CENPI: variants seen among roughly 807,000 people sequenced by gnomAD.
The protein encoded by CENPI is centromere protein I, also known as FSH primary response 1.
CENPI carries 4 observed loss-of-function variants against 60.4 expected under a neutral mutation model. The observed-to-expected ratio is 0.07, with a 90% confidence interval of 0.03 to 0.15. CENPI has a LOEUF of 0.15. CENPI is among the 10% of genes least tolerant of loss of function. CENPI has a pLI of 1.00. For missense variants in CENPI, 444 were observed against 534.5 expected (o/e 0.83, Z 1.67); for synonymous variants, 157 against 189.4 (o/e 0.83, Z 1.40).
intron 6 of CENPI, among the ~76,000 whole-genome samples, chrX:101,112,370 A>G (rs144007679): frequency 3.5e-4 from 39 of 112,087 alleles, no homozygotes; most frequent in African/African-American, 1.2e-3. Context: ...ATGAACAAGT[A>G]CGATGTTCTA....
intron 4 of CENPI, 103 bp from the exon 5 acceptor site, chrX:101,109,370 C>T (rs1289310058): frequency 5.5e-5 from 35 of 637,442 alleles, no homozygotes; most frequent in African/African-American, 8.8e-5. Flanking sequence ...CATGAGCTGC[C>T]GCGCCCAGCC....
intron 6 of CENPI, among the ~76,000 whole-genome samples, chrX:101,112,776 A>G (rs1302616063): frequency 9.0e-6 from 1 of 110,572 alleles, no homozygotes; most frequent in Non-Finnish European, 1.9e-5. Context: ...TCGGGTTCCC[A>G]ACGTGCTGGG....
At chrX:101,149,471 A>G (rs972062872) in intron 20 of CENPI, among the ~76,000 whole-genome samples, 6 of 108,849 alleles carry the variant, frequency 5.5e-5, no homozygotes, top group Non-Finnish European at 1.1e-4. Flanking sequence ...GTGATTCTAC[A>G]CTGGCTGAGC....
At chrX:101,107,771 T>A (rs1602765100) in intron 4 of CENPI, among the ~76,000 whole-genome samples, 1 of 105,519 alleles carries the variant, frequency 9.5e-6, no homozygotes, top group African/African-American at 3.5e-5. Flanking sequence ...CGGGTTCCAG[T>A]GATTCTCCTG....
chrX:101,136,058 C>T (rs976215904), intron 15 of CENPI, among the ~76,000 whole-genome samples: 4 of 112,340 alleles, frequency 3.6e-5, no homozygotes, highest in Admixed American at 9.5e-5. Context: ...TGATTCCCTT[C>T]TTAAAGTAGG....
chrX:101,132,377 T>A lies in CENPI; in HGVS notation c.1406-15T>A. On this transcript the variant is annotated splice_polypyrimidine_tract_variant and intron_variant, in intron 14 of 21. Coordinates refer to ENST00000682095, the MANE Select transcript of CENPI (RefSeq NM_001386188.2). ...GATTGAAAGGATTTTGAATAATCTT[T>A]TTTTTGATTCCTAGAGGTGAAACCA... The A allele has an allele frequency of 1.7e-6, 2 of 1,206,332 alleles. No individual in the cohort carries two copies. Among genetic ancestry groups the A allele is most frequent in the Non-Finnish European group, 2.2e-6 (2 of 891,311 alleles).
downstream of CENPI, among the ~76,000 whole-genome samples, chrX:101,170,947 T>C (rs2090155602): frequency 1.8e-5 from 2 of 112,012 alleles, no homozygotes; most frequent in East Asian, 2.8e-4. Context: ...GCAGTCTCTA[T>C]TGAAATCCCA....
chrX:101,168,462 A>G (rs1384359737), downstream of CENPI, among the ~76,000 whole-genome samples: 3 of 111,972 alleles, frequency 2.7e-5, no homozygotes, highest in African/African-American at 9.7e-5. Flanking sequence ...GCTACTAGGG[A>G]GACTGAGGCA....
chrX:101,104,854 A>G (rs2089464938), intron 4 of CENPI, among the ~76,000 whole-genome samples: 1 of 76,161 alleles, frequency 1.3e-5, no homozygotes, highest in African/African-American at 4.4e-5. Context: ...GTCTCTGGGA[A>G]AAAAAAAAAA....
chrX:101,112,322 G>C (rs1342581421), intron 6 of CENPI, among the ~76,000 whole-genome samples: 1 of 111,887 alleles, frequency 8.9e-6, no homozygotes, highest in Non-Finnish European at 1.9e-5. Flanking sequence ...GTCAGCATTT[G>C]GAAGCTCAGT....
downstream of CENPI, among the ~76,000 whole-genome samples, chrX:101,167,895 C>T (rs1428654636): frequency 4.5e-5 from 5 of 111,947 alleles, no homozygotes; most frequent in Non-Finnish European, 9.4e-5. Context: ...CCCATCTCTT[C>T]CAAATACTGC....
chrX:101,158,347 C>T lies in CENPI; in HGVS notation c.2095-3181C>T, dbSNP rs192559964. Among the ~76,000 whole-genome samples, 404 of 102,546 alleles carry T rather than the reference C, an allele frequency of 3.9e-3. 1 individual carries two copies. The highest frequency in any genetic ancestry group is 6.9e-3 in the Non-Finnish European group (349 of 50,663). The allele number at this position is 102,546 out of a possible 115,157, so 89.0% of individuals were successfully genotyped here. ...GGCTGGAGTGCAATGGCGCAATCTC[C>T]GCTCACCACAACCTCCGCCTCCTGG... On this transcript the variant is annotated intron_variant, in intron 20 of 21. Coordinates refer to ENST00000682095, the MANE Select transcript of CENPI (RefSeq NM_001386188.2).
At position 101,147,015 on chromosome X, in the gene CENPI, C is replaced by T. The variant is rs748765681; in HGVS notation, c.1826+738C>T. Among the ~76,000 whole-genome samples, 28 of 111,968 alleles carry T rather than the reference C, an allele frequency of 2.5e-4. 1 individual carries two copies. The highest frequency in any genetic ancestry group is 7.8e-4 in the African/African-American group (24 of 30,883). Reference sequence around the variant, plus strand: ...CCTCCCAAAGTGCTGGGATTACAGGCGTGAGCCACCATGCTCAGCTTAGTG... The same window carrying T: ...CCTCCCAAAGTGCTGGGATTACAGGTGTGAGCCACCATGCTCAGCTTAGTG... On this transcript the variant is annotated intron_variant, in intron 18 of 21. Coordinates refer to ENST00000682095, the MANE Select transcript of CENPI (RefSeq NM_001386188.2).
rs763289066 is a variant in CENPI, at chrX:101,109,190, C to T, written c.365-283C>T. Among the ~76,000 whole-genome samples the T allele has an allele frequency of 6.8e-5, 7 of 103,395 alleles. No individual in the cohort carries two copies. The East Asian group carries it at 1.5e-3, about 23-fold the overall frequency. 89.8% of individuals were successfully genotyped at this position (103,395 alleles called of 115,157 possible). ...CTGCCTCCTGGGTTCAAGCGATTCTCCTGCCTCAGCCTCCCGAGTAGCTGG... is the reference window on the plus strand; with the variant it reads ...CTGCCTCCTGGGTTCAAGCGATTCTTCTGCCTCAGCCTCCCGAGTAGCTGG... On this transcript the variant is annotated intron_variant, in intron 4 of 21. Transcript: ENST00000682095.
Position 101,109,573 on chromosome X carries a change from G to A in CENPI, c.465G>A (p.Lys155=). The A allele has an allele frequency of 8.4e-7, 1 of 1,193,427 alleles. No homozygotes were observed. The highest frequency in any genetic ancestry group is 2.3e-4 in the Middle Eastern group (1 of 4,306). Residue 155 remains lysine (K), a synonymous_variant, in exon 5 of 22, where the codon AAG becomes AAA. Transcript: ENST00000682095. ...VKAVSWLCVG[K]CSGSTKVLFY... ...CAGTCTCCTGGCTTTGTGTTGGCAA[G>A]TGTTCTGGTAGCACCAAGGTAATCT... is the stretch of plus-strand genomic sequence containing the variant.
chrX:101,152,550 T>G (rs1040965484), intron 20 of CENPI, among the ~76,000 whole-genome samples: 19 of 109,974 alleles, frequency 1.7e-4, no homozygotes, highest in African/African-American at 6.3e-4. Flanking sequence ...CTGAGGCATG[T>G]GTCACCATGC....
chrX:101,139,920 C>T (rs1214945865), intron 15 of CENPI, among the ~76,000 whole-genome samples: 4 of 108,824 alleles, frequency 3.7e-5, no homozygotes, highest in Non-Finnish European at 7.6e-5. Flanking sequence ...CTGCAAGCTC[C>T]TTCTCCTGGG....
intron 6 of CENPI, among the ~76,000 whole-genome samples, chrX:101,111,717 A>C (rs777167440): frequency 9.0e-6 from 1 of 111,726 alleles, no homozygotes; most frequent in Non-Finnish European, 1.9e-5. Flanking sequence ...TTGCGAGCCA[A>C]ACTAGCTCCA....
chrX:101,166,591 G>A (rs1401319926), downstream of CENPI, among the ~76,000 whole-genome samples: 4 of 112,320 alleles, frequency 3.6e-5, no homozygotes, highest in Admixed American at 3.8e-4. Context: ...ATTTTGCTTT[G>A]GTGCAAAACA....
Sources: allele counts gnomAD v4.1 joint callset (sites outside exome capture counted in the v4.1 genomes callset), GRCh38; gene constraint gnomAD v4.1.1; transcripts MANE v1.5; gene names NCBI Gene and HGNC (gene_info 2026-07-23, HGNC 2026-07-21).